SLC1A4: variants seen among roughly 807,000 people sequenced by gnomAD.
SLC1A4 encodes neutral amino acid transporter A.
Under a neutral mutation model 37.7 loss-of-function variants are expected in SLC1A4, and 19 were observed. The ratio of observed to expected loss-of-function variants is 0.50; its 90% CI spans 0.35 to 0.74. SLC1A4 has a LOEUF of 0.74. Among genes scored for constraint, SLC1A4 ranks in the 30% least tolerant of loss-of-function variants. The probability of loss-of-function intolerance (pLI) is 0.01; values close to 1 mark genes in which losing one functional copy is unlikely to be tolerated. For synonymous variants in SLC1A4, 299 were observed against 309.8 expected, an observed-to-expected ratio of 0.97 and a Z score of 0.37; for missense variants, 570 against 712.9, an observed-to-expected ratio of 0.80 and a Z score of 2.28.
At chr2:65,005,143 G>A (rs1404671110) in intron 3 of SLC1A4, among the ~76,000 whole-genome samples, 1 of 152,208 alleles carries the variant, frequency 6.6e-6, no homozygotes, top group Non-Finnish European at 1.5e-5. Context: ...CTAGCTCAGT[G>A]CATTTTAAAC....
In SLC1A4 at chr2:65,022,466, ATT is replaced by A. The variant is rs1674465648; in HGVS notation, c.*1322_*1323del. ...CCTGCCTCTTACCTACCTCAGAGGG[ATT>A]TGGTGAAGCAAACTGTTAATCTTCG... On this transcript the variant is annotated 3_prime_UTR_variant, in exon 8 of 8. Transcript: ENST00000234256. 1.3e-5 allele frequency: 2 copies of A among 152,082 alleles called. No homozygotes were observed. The highest frequency in any genetic ancestry group is 3.9e-4 in the East Asian group (2 of 5,188). The allele number at this position is 152,082 out of a possible 1,614,324, so 9.4% of individuals were successfully genotyped here.
At position 65,011,825 on chromosome 2, in the gene SLC1A4, G is replaced by C. The variant is rs549068831; in HGVS notation, c.800+1062G>C. 9.2e-5 allele frequency among the ~76,000 whole-genome samples: 14 copies of C among 152,098 alleles called. No individual in the cohort carries two copies. In the South Asian group the frequency reaches 2.9e-3, roughly 32 times the overall value. The stretch of plus-strand genomic sequence containing the variant: ...TCTCTGTTGCCCAGGCTAGAGTGCA[G>C]TGATGTGATCTCGGTTCACTACAAC... On this transcript the variant is annotated intron_variant, in intron 4 of 7. Coordinates refer to ENST00000234256, the MANE Select transcript of SLC1A4 (RefSeq NM_003038.5).
rs571301786 is a variant in SLC1A4, at chr2:64,997,741, T to C, written c.528-3707T>C. Among the ~76,000 whole-genome samples the C allele has an allele frequency of 1.8e-4, 28 of 152,386 alleles. 1 individual carries two copies. The South Asian group carries it at 5.6e-3, about 30-fold the overall frequency. ...GATGGACATTTGGGTTTTGGACTATTATGAATAACGCTGTTATGCATACAG... is the reference window on the plus strand; with the variant it reads ...GATGGACATTTGGGTTTTGGACTATCATGAATAACGCTGTTATGCATACAG... On this transcript the variant is annotated intron_variant, in intron 1 of 7. Transcript: ENST00000234256.
Position 65,021,203 on chromosome 2 carries a change from C to A in SLC1A4, c.*57C>A. On this transcript the variant is annotated 3_prime_UTR_variant, in exon 8 of 8. Transcript: ENST00000234256. ...GTGATGTCCCACCCTGTTCACCCAG[C>A]CGCCAGTCATGGACACAGGGCACTG... 16 of 1,426,324 alleles carry A rather than the reference C, an allele frequency of 1.1e-5. No individual in the cohort carries two copies. The highest frequency in any genetic ancestry group is 2.4e-5 in the South Asian group (2 of 83,494). 88.4% of individuals were successfully genotyped at this position (1,426,324 alleles called of 1,614,324 possible).
chr2:65,000,546 G>A (rs1387732670), intron 1 of SLC1A4: 1 of 152,204 alleles, frequency 6.6e-6, no homozygotes, highest in Non-Finnish European at 1.5e-5. Flanking sequence ...GACACTGGGT[G>A]TGGAATTAGG....
chr2:64,989,566 A>C lies in SLC1A4; in HGVS notation c.-78A>C. 7.7e-7 allele frequency: 1 copy of C among 1,301,578 alleles called. No individual in the cohort carries two copies. Among genetic ancestry groups the C allele is most frequent in the Non-Finnish European group, 1.0e-6 (1 of 1,003,980 alleles). The allele number at this position is 1,301,578 out of a possible 1,614,324, so 80.6% of individuals were successfully genotyped here. A position where few individuals can be genotyped will look rare whatever the true frequency, so the allele number is the denominator to read the frequency against. ...CCTGCGGAGCACAACTGGCCGACCG[A>C]CCCATTCATTGGGAACCCCGTCTTT... On this transcript the variant is annotated 5_prime_UTR_variant, in exon 1 of 8. Transcript: ENST00000234256.
Position 65,021,279 on chromosome 2 carries a change from C to A in SLC1A4, c.*133C>A. On this transcript the variant is annotated 3_prime_UTR_variant, in exon 8 of 8. Coordinates refer to ENST00000234256, the MANE Select transcript of SLC1A4 (RefSeq NM_003038.5). ...GCAATGCTTTGGCCCAGTCGCTGGC[C>A]TGAGGCTTACCTCTCGGCACTGGCA... 1 of 696,650 alleles carries A rather than the reference C, an allele frequency of 1.4e-6. No homozygotes were observed. 43.2% of individuals were successfully genotyped at this position (696,650 alleles called of 1,614,324 possible). A position where few individuals can be genotyped will look rare whatever the true frequency, so the allele number is the denominator to read the frequency against.
chr2:65,016,412 T>C lies in SLC1A4; in HGVS notation c.801-28T>C, dbSNP rs1235463881. The C allele has an allele frequency of 3.2e-6, 5 of 1,572,402 alleles. No individual in the cohort carries two copies. In the African/African-American group the frequency reaches 4.1e-5, roughly 13 times the overall value. On this transcript the variant is annotated intron_variant, in intron 4 of 7. Transcript: ENST00000234256. ...CTCTCACCCCAGCTTTATCCCCCACTGATGAGTACCCTGTGCTTGTGCCCT... is the reference window on the plus strand; with the variant it reads ...CTCTCACCCCAGCTTTATCCCCCACCGATGAGTACCCTGTGCTTGTGCCCT...
chr2:65,020,844 A>G, intron 7 of SLC1A4, 68 bp from the exon 8 acceptor site: 2 of 1,322,376 alleles, frequency 1.5e-6, no homozygotes, highest in South Asian at 1.2e-5. Context: ...TTCGGCATCC[A>G]GGCTGCCTGT....
At chr2:65,008,781 T>C (rs77252845) in intron 3 of SLC1A4, among the ~76,000 whole-genome samples, 1 of 152,332 alleles carries the variant, frequency 6.6e-6, no homozygotes, top group African/African-American at 2.4e-5. Flanking sequence ...TCTTGTTGGT[T>C]TTCATTTGCC....
chr2:65,005,695 A>T (rs947608231), intron 3 of SLC1A4, among the ~76,000 whole-genome samples: 5 of 140,288 alleles, frequency 3.6e-5, no homozygotes, highest in African/African-American at 1.4e-4. Context: ...TGACCAGTTT[A>T]AAAAAAACTA....
chr2:65,000,170 A>C (rs1479349605), intron 1 of SLC1A4: 1 of 152,248 alleles, frequency 6.6e-6, no homozygotes, highest in Non-Finnish European at 1.5e-5. Flanking sequence ...TCTTGCAGGA[A>C]GTGAGAACAA....
chr2:65,014,906 A>G (rs1421905884), intron 4 of SLC1A4, among the ~76,000 whole-genome samples: 1 of 152,250 alleles, frequency 6.6e-6, no homozygotes, highest in Non-Finnish European at 1.5e-5. Flanking sequence ...TTTAAAGACA[A>G]TGAGGTAAAG....
rs190862408 is a variant in SLC1A4, at chr2:64,994,139, T to C, written c.527+3969T>C. ...ACTACTAATTAATAGAGTCACACTA[T>C]GGAAAATTTGGAAAGGGAGAGAAGT... On this transcript the variant is annotated intron_variant, in intron 1 of 7. Coordinates refer to ENST00000234256, the MANE Select transcript of SLC1A4 (RefSeq NM_003038.5). Among the ~76,000 whole-genome samples, 26 of 152,356 alleles carry C rather than the reference T, an allele frequency of 1.7e-4. No homozygotes were observed. The East Asian group carries it at 4.1e-3, about 24-fold the overall frequency.
In SLC1A4 at chr2:64,989,808, C is replaced by T; in HGVS notation, c.165C>T (p.Gly55=). ...TCACCGTGTCCGGGGTGCTGGCGGG[C>T]GCGGGCCTGGGCGCGGCGTTGCGCG... ...VLLTVSGVLA[G]AGLGAALRGL... Residue 55 remains glycine (G), a synonymous_variant, in exon 1 of 8, where the codon GGC becomes GGT. Transcript: ENST00000234256. 6.6e-7 allele frequency: 1 copy of T among 1,525,844 alleles called. No individual in the cohort carries two copies. Among genetic ancestry groups the T allele is most frequent in the Non-Finnish European group, 8.8e-7 (1 of 1,140,326 alleles). The allele number at this position is 1,525,844 out of a possible 1,614,324, so 94.5% of individuals were successfully genotyped here. A position where few individuals can be genotyped will look rare whatever the true frequency, so the allele number is the denominator to read the frequency against.
chr2:65,009,130 C>A (rs1007543741), intron 3 of SLC1A4, among the ~76,000 whole-genome samples: 3 of 152,148 alleles, frequency 2.0e-5, no homozygotes, highest in African/African-American at 7.2e-5. Context: ...AGTGCTGAGG[C>A]GGGCAGATCA....
intron 1 of SLC1A4, chr2:64,999,460 A>G (rs1208536051): frequency 6.6e-6 from 1 of 152,234 alleles, no homozygotes; most frequent in Non-Finnish European, 1.5e-5. Flanking sequence ...ACATTGCTGC[A>G]TAACAAACTA....
chr2:65,017,775 G>T (rs1674215101), intron 5 of SLC1A4, among the ~76,000 whole-genome samples: 3 of 152,342 alleles, frequency 2.0e-5, no homozygotes, highest in Non-Finnish European at 4.4e-5. Context: ...GTTCTCTCGG[G>T]AACGTTTTGC....
chr2:65,001,585 T>A (rs1364702858), intron 2 of SLC1A4, 95 bp downstream of exon 2: 15 of 1,157,186 alleles, frequency 1.3e-5, no homozygotes, highest in Admixed American at 4.2e-5. Flanking sequence ...CAGGGAGAGA[T>A]GGTGGTGTTA....
Sources: allele counts gnomAD v4.1 joint callset (sites outside exome capture counted in the v4.1 genomes callset), GRCh38; gene constraint gnomAD v4.1.1; transcripts MANE v1.5; gene names NCBI Gene and HGNC (gene_info 2026-07-23, HGNC 2026-07-21).